The following KCTD10 variants were observed in gnomAD, a reference collection of about 807,000 sequenced individuals.
KCTD10 encodes the protein potassium channel tetramerization domain containing 10, also known as BTB/POZ domain-containing adapter for CUL3-mediated RhoA degradation protein 3.
Under a neutral mutation model 34.6 loss-of-function variants are expected in KCTD10, and 13 were observed. That is an observed-to-expected ratio of 0.38 (90% confidence interval 0.24 to 0.60). The LOEUF (loss-of-function observed/expected upper bound fraction) is 0.60. Among genes scored for constraint, KCTD10 ranks in the 20% least tolerant of loss-of-function variants. The probability of loss-of-function intolerance (pLI) is 0.66; values close to 1 mark genes in which losing one functional copy is unlikely to be tolerated. For missense variants in KCTD10, 256 were observed against 420.3 expected, an observed-to-expected ratio of 0.61 and a Z score of 3.42; for synonymous variants, 156 against 168.8, an observed-to-expected ratio of 0.92 and a Z score of 0.59.
chr12:109,449,955 G>A lies in KCTD10; in HGVS notation c.*1640C>T, dbSNP rs534472232. The A allele has an allele frequency of 1.3e-4, 32 of 246,382 alleles. No individual in the cohort carries two copies. The highest frequency in any genetic ancestry group is 2.8e-4 in the Admixed American group (5 of 17,850). The allele number at this position is 246,382 out of a possible 1,614,324, so 15.3% of individuals were successfully genotyped here. On this transcript the variant is annotated 3_prime_UTR_variant, in exon 7 of 7. Coordinates refer to ENST00000228495, the MANE Select transcript of KCTD10 (RefSeq NM_031954.5). ...TTTAAAAAGCATCTGCCCAATACAC[G>A]ATTTTGACATTCAGTCATGATTGTT...
In KCTD10 at chr12:109,449,401, G is replaced by A. The variant is rs1204832796; in HGVS notation, c.*2194C>T. ...CATAGAGGCCACAGCAAATCAAATT[G>A]TTCCACAAACTCATTCTTCACACAA... On this transcript the variant is annotated 3_prime_UTR_variant, in exon 7 of 7. Coordinates refer to ENST00000228495, the MANE Select transcript of KCTD10 (RefSeq NM_031954.5). The A allele has an allele frequency of 6.6e-6, 1 of 152,210 alleles. No homozygotes were observed. The highest frequency in any genetic ancestry group is 2.4e-5 in the African/African-American group (1 of 41,454). The allele number at this position is 152,210 out of a possible 1,614,324, so 9.4% of individuals were successfully genotyped here. A position where few individuals can be genotyped will look rare whatever the true frequency, so the allele number is the denominator to read the frequency against.
intron 1 of KCTD10, chr12:109,470,552 A>C: frequency 1.0e-6 from 1 of 985,430 alleles, no homozygotes; most frequent in Non-Finnish European, 1.2e-6. Context: ...TGAACAGGTA[A>C]AACTGTAGAG....
At chr12:109,468,086 T>C (rs1190841166) in intron 2 of KCTD10, among the ~76,000 whole-genome samples, 1 of 152,100 alleles carries the variant, frequency 6.6e-6, no homozygotes, top group Non-Finnish European at 1.5e-5. Flanking sequence ...ACAGATACTC[T>C]CGGGCCATGT....
chr12:109,469,753 C>T, intron 1 of KCTD10, 25 bp from the exon 2 acceptor site: 1 of 1,612,882 alleles, frequency 6.2e-7, no homozygotes, highest in South Asian at 1.1e-5. Flanking sequence ...GATACAGGGT[C>T]ATGACATCAG....
chr12:109,464,821 T>C (rs1456844642), intron 2 of KCTD10: 3 of 455,808 alleles, frequency 6.6e-6, no homozygotes, highest in Admixed American at 2.4e-5. Context: ...GTGCCAAGGG[T>C]TGGCAAAAAT....
chr12:109,457,806 G>A, intron 4 of KCTD10, 124 bp from the exon 5 acceptor site: 1 of 1,131,650 alleles, frequency 8.8e-7, no homozygotes, highest in Non-Finnish European at 1.3e-6. Context: ...ATAGCTTGCT[G>A]GCTGGAGAGG....
chr12:109,458,377 C>A, intron 3 of KCTD10: 2 of 269,984 alleles, frequency 7.4e-6, no homozygotes, highest in African/African-American at 2.2e-5. Flanking sequence ...GCAGCAGAAA[C>A]GTGTTTTAAT....
At position 109,469,707 on chromosome 12, in the gene KCTD10, C is replaced by T. The variant is rs767010189; in HGVS notation, c.25G>A (p.Val9Met). 6.2e-7 allele frequency: 1 copy of T among 1,614,220 alleles called. No homozygotes were observed. The highest frequency in any genetic ancestry group is 1.1e-5 in the South Asian group (1 of 91,086). The change falls in exon 2 of 7, where the codon GTG (valine) becomes ATG (methionine). Residue 9 changes from valine to methionine, a missense_variant. By Grantham distance (21) the Val-to-Met change is conservative (BLOSUM62 1). Coordinates refer to ENST00000228495, the MANE Select transcript of KCTD10 (RefSeq NM_031954.5). The part of the protein sequence containing the change: MEEMSGES[V>M]VSSAVPAAAT... The stretch of plus-strand genomic sequence containing the variant: ...GCCGCTGGCACCGCTGAGCTCACCA[C>T]ACTTTCTCCTGACATCTCTTCCTGC...
intron 2 of KCTD10, among the ~76,000 whole-genome samples, chr12:109,466,361 T>G (rs1284895928): frequency 6.6e-6 from 1 of 152,240 alleles, no homozygotes; most frequent in African/African-American, 2.4e-5. Context: ...CGCTTTCTCA[T>G]GTCCTCACTC....
At chr12:109,455,719 G>A (rs1318255838) in intron 6 of KCTD10, among the ~76,000 whole-genome samples, 1 of 152,220 alleles carries the variant, frequency 6.6e-6, no homozygotes, top group Admixed American at 6.5e-5. Flanking sequence ...AGCCCCAAAA[G>A]GGCAGGCAAA....
In KCTD10 at chr12:109,451,175, A is replaced by G. The variant is rs1329140350; in HGVS notation, c.*420T>C. ...GCTCAGATACCTCTGGTGGCCTCCA[A>G]CTGCAGGACAACTCTCAGAATTGTC... is the stretch of plus-strand genomic sequence containing the variant. On this transcript the variant is annotated 3_prime_UTR_variant, in exon 7 of 7. Transcript: ENST00000228495. The surrounding 1 kb of genome is among the most constrained non-coding windows in gnomAD (Gnocchi z 5.0). 2 of 157,784 alleles carry G rather than the reference A, an allele frequency of 1.3e-5. No homozygotes were observed. Among genetic ancestry groups the G allele is most frequent in the Admixed American group, 6.5e-5 (1 of 15,380 alleles). The allele number at this position is 157,784 out of a possible 1,614,324, so 9.8% of individuals were successfully genotyped here.
At position 109,451,331 on chromosome 12, in the gene KCTD10, G is replaced by A. The variant is rs1872756119; in HGVS notation, c.*264C>T. ...TTCATACTTTTCCTCTGAGAACCGA[G>A]AAAGCCTGGCTCCAAAGAGTCTCAG... On this transcript the variant is annotated 3_prime_UTR_variant, in exon 7 of 7. Coordinates refer to ENST00000228495, the MANE Select transcript of KCTD10 (RefSeq NM_031954.5). The surrounding 1 kb of genome is among the most constrained non-coding windows in gnomAD (Gnocchi z 5.0). 2 of 461,458 alleles carry A rather than the reference G, an allele frequency of 4.3e-6. No individual in the cohort carries two copies. Among genetic ancestry groups the A allele is most frequent in the South Asian group, 8.9e-5 (2 of 22,402 alleles). 28.6% of individuals were successfully genotyped at this position (461,458 alleles called of 1,614,324 possible). A position where few individuals can be genotyped will look rare whatever the true frequency, so the allele number is the denominator to read the frequency against.
chr12:109,460,643 G>A lies in KCTD10; in HGVS notation c.380C>T (p.Ala127Val), dbSNP rs1592840136. ...AGAAAGGGTGATGCCTACTTGTAGG[G>A]CCGCCTGGCACTCTTCCACCAGGCC... ...VQGLVEECQA[A>V]LQNKDTYEPF... The change falls in exon 3 of 7, where the codon GCC becomes GTC. Residue 127 changes from alanine to valine, a missense_variant. This residue lies in a region of KCTD10 where 155 missense variants were observed against 207.0 expected (regional missense o/e 0.75). Transcript: ENST00000228495. The surrounding 1 kb of genome is among the most constrained non-coding windows in gnomAD (Gnocchi z 4.5). 7 of 1,613,296 alleles carry A rather than the reference G, an allele frequency of 4.3e-6. No homozygotes were observed. Among genetic ancestry groups the A allele is most frequent in the Non-Finnish European group, 5.9e-6 (7 of 1,179,482 alleles).
chr12:109,475,507 CT>C (rs1162565202), intron 1 of KCTD10, among the ~76,000 whole-genome samples: 1 of 148,846 alleles, frequency 6.7e-6, no homozygotes, highest in Non-Finnish European at 1.5e-5. Flanking sequence ...TCACACACAC[CT>C]GTGCTTGCCT....
intron 2 of KCTD10, among the ~76,000 whole-genome samples, chr12:109,466,173 G>A (rs1873575175): frequency 6.6e-6 from 1 of 152,160 alleles, no homozygotes; most frequent in Non-Finnish European, 1.5e-5. Flanking sequence ...GTGTGGAACT[G>A]CAGCACACTC....
chr12:109,451,604 G>T lies in KCTD10; in HGVS notation c.933C>A (p.Leu311=). 1.2e-6 allele frequency: 2 copies of T among 1,606,674 alleles called. No homozygotes were observed. Among genetic ancestry groups the T allele is most frequent in the South Asian group, 2.2e-5 (2 of 90,654 alleles). The change falls in exon 7 of 7, where the codon CTC becomes CTA. Residue 311 remains leucine, a synonymous_variant. Coordinates refer to ENST00000228495, the MANE Select transcript of KCTD10 (RefSeq NM_031954.5). This position sits in a 1 kb window ranked among gnomAD's most constrained non-coding sequence, Gnocchi z 5.0. The stretch of plus-strand genomic sequence containing the variant: ...TCGGTCTCTTGCCTGCTCACTGGTG[G>T]AGGTGGGCCCGGTCATCAGGGCGCT... ...HIKRPDDRAH[L]HQ
chr12:109,471,242 G>A (rs1873872177), intron 1 of KCTD10: 1 of 985,434 alleles, frequency 1.0e-6, no homozygotes, highest in Non-Finnish European at 1.2e-6. Flanking sequence ...AGTAAAGGGA[G>A]GCAGCTTGCA....
At chr12:109,465,201 G>A (rs1003776473) in intron 2 of KCTD10, among the ~76,000 whole-genome samples, 6 of 152,182 alleles carry the variant, frequency 3.9e-5, no homozygotes, top group Non-Finnish European at 7.3e-5. Context: ...GGCTCCGGCA[G>A]CGGCTGTATG....
chr12:109,450,227 A>G lies in KCTD10; in HGVS notation c.*1368T>C. The G allele has an allele frequency of 2.5e-6, 1 of 398,624 alleles. No individual in the cohort carries two copies. Among genetic ancestry groups the G allele is most frequent in the Non-Finnish European group, 4.4e-6 (1 of 226,066 alleles). 24.7% of individuals were successfully genotyped at this position (398,624 alleles called of 1,614,324 possible). ...TCCTGGTAACTACTCTACCTAGTCT[A>G]GTCTCAACCACCCCTGTCAGTCACG... On this transcript the variant is annotated 3_prime_UTR_variant, in exon 7 of 7. Coordinates refer to ENST00000228495, the MANE Select transcript of KCTD10 (RefSeq NM_031954.5).
Sources: allele counts gnomAD v4.1 joint callset (sites outside exome capture counted in the v4.1 genomes callset), GRCh38; gene constraint gnomAD v4.1.1; regional missense constraint gnomAD v4.1.1; non-coding constraint Gnocchi (gnomAD v3.1); transcripts MANE v1.5; gene names NCBI Gene and HGNC (gene_info 2026-07-23, HGNC 2026-07-21).